Variants in SLC17A1 observed in about 807,000 individuals in gnomAD.
The protein encoded by SLC17A1 is sodium-dependent phosphate transport protein 1.
Under a neutral mutation model 53.5 loss-of-function variants are expected in SLC17A1, and 51 were observed. That is an observed-to-expected ratio of 0.95 (90% CI 0.76 to 1.20). The LOEUF is 1.20. Among genes scored for constraint, SLC17A1 ranks in the 50% most tolerant of loss-of-function variants. SLC17A1 has a pLI of 0.00. For missense variants in SLC17A1, 538 were observed against 568.2 expected, an observed-to-expected ratio of 0.95 and a Z score of 0.54; for synonymous variants, 179 against 198.8, an observed-to-expected ratio of 0.90 and a Z score of 0.84.
At chr6:25,730,256 C>T in the SLC17A1 span, among the ~76,000 whole-genome samples, 4 of 152,094 alleles carry the variant, frequency 2.6e-5, no homozygotes, top group Non-Finnish European at 4.4e-5. Context: ...ATAGAAAGAA[C>T]ATAAAGGTCC....
the SLC17A1 span, chr6:25,769,210 G>T: frequency 1.9e-6 from 3 of 1,594,532 alleles, no homozygotes; most frequent in Non-Finnish European, 2.6e-6. Flanking sequence ...ATGAGACTCT[G>T]GACTCTTTCT....
At chr6:25,742,284 C>T in the SLC17A1 span, among the ~76,000 whole-genome samples, 1 of 152,148 alleles carries the variant, frequency 6.6e-6, no homozygotes, top group Non-Finnish European at 1.5e-5. Flanking sequence ...GTTACATTGA[C>T]TGATCAGAAC....
At chr6:25,727,896 A>G in the SLC17A1 span, among the ~76,000 whole-genome samples, 1 of 151,928 alleles carries the variant, frequency 6.6e-6, no homozygotes, top group Non-Finnish European at 1.5e-5. Flanking sequence ...CGTGCACTGT[A>G]GTCCCAGCTA....
the SLC17A1 span, chr6:25,731,797 T>C: frequency 8.8e-6 from 14 of 1,596,070 alleles, no homozygotes; most frequent in Admixed American, 1.7e-5. Context: ...TTGGAGCTAG[T>C]GTACTTGGTG....
At chr6:25,727,696 C>T in the SLC17A1 span, among the ~76,000 whole-genome samples, 1 of 152,044 alleles carries the variant, frequency 6.6e-6, no homozygotes, top group Non-Finnish European at 1.5e-5. Context: ...TCCAAATCAG[C>T]TGTGGGCCGA....
intron 2 of SLC17A1, among the ~76,000 whole-genome samples, chr6:25,828,345 G>C (rs1262516867): frequency 6.6e-6 from 1 of 151,854 alleles, no homozygotes. Context: ...AGGGAGCTTG[G>C]GTGCCATCTT....
At chr6:25,795,792 A>G (rs1372629813) in intron 12 of SLC17A1, among the ~76,000 whole-genome samples, 1 of 152,190 alleles carries the variant, frequency 6.6e-6, no homozygotes, top group Non-Finnish European at 1.5e-5. Flanking sequence ...TCAATATCAG[A>G]AAGTAAATTA....
chr6:25,803,952 ATGGC>A (rs1365709879), intron 10 of SLC17A1, among the ~76,000 whole-genome samples: 1 of 152,160 alleles, frequency 6.6e-6, no homozygotes, highest in African/African-American at 2.4e-5. Flanking sequence ...TTTGATATAA[ATGGC>A]TGTGCTGATA....
the SLC17A1 span, among the ~76,000 whole-genome samples, chr6:25,765,851 C>A: frequency 6.6e-6 from 1 of 151,834 alleles, no homozygotes; most frequent in African/African-American, 2.4e-5. Flanking sequence ...GAACTCAAAT[C>A]ATGAAAAAAT....
At chr6:25,727,904 C>A in the SLC17A1 span, among the ~76,000 whole-genome samples, 1 of 151,862 alleles carries the variant, frequency 6.6e-6, no homozygotes. Context: ...GTAGTCCCAG[C>A]TAATTGGGAG....
At chr6:25,808,914 G>A (rs1269588107) in intron 10 of SLC17A1, among the ~76,000 whole-genome samples, 1 of 151,928 alleles carries the variant, frequency 6.6e-6, no homozygotes, top group African/African-American at 2.4e-5. Flanking sequence ...TCTACTCAAA[G>A]GAAAAGATAT....
intron 6 of SLC17A1, among the ~76,000 whole-genome samples, chr6:25,817,462 T>G (rs146716486): frequency 6.6e-6 from 1 of 152,274 alleles, no homozygotes; most frequent in East Asian, 1.9e-4. Context: ...TTTCCTCAAT[T>G]CTTAGTGATA....
At chr6:25,811,053 CTTAGAA>C (rs1394973509) in intron 10 of SLC17A1, among the ~76,000 whole-genome samples, 2 of 152,026 alleles carry the variant, frequency 1.3e-5, no homozygotes, top group African/African-American at 4.8e-5. Context: ...CAAAATTGGA[CTTAGAA>C]TTAGAGTAGA....
At chr6:25,773,358 GAGA>G in the SLC17A1 span, 1 of 1,613,924 alleles carries the variant, frequency 6.2e-7, no homozygotes, top group Non-Finnish European at 8.5e-7. Flanking sequence ...CAGTGCTGGT[GAGA>G]AGAGATACAT....
At chr6:25,808,943 A>T (rs1764054144) in intron 10 of SLC17A1, among the ~76,000 whole-genome samples, 4 of 152,080 alleles carry the variant, frequency 2.6e-5, no homozygotes, top group Admixed American at 2.6e-4. Context: ...CAAAAAAGAT[A>T]TCTGCACTCA....
At chr6:25,769,720 A>G in the SLC17A1 span, among the ~76,000 whole-genome samples, 1 of 152,132 alleles carries the variant, frequency 6.6e-6, no homozygotes, top group African/African-American at 2.4e-5. Flanking sequence ...CTTCCCCTAC[A>G]ATGATGAAAA....
intron 12 of SLC17A1, among the ~76,000 whole-genome samples, chr6:25,787,312 C>A (rs1259421051): frequency 6.6e-6 from 1 of 150,580 alleles, no homozygotes; most frequent in Non-Finnish European, 1.5e-5. Context: ...CATAGCTAAA[C>A]CCCATCTCTA....
chr6:25,752,444 A>C, the SLC17A1 span, among the ~76,000 whole-genome samples: 3 of 152,208 alleles, frequency 2.0e-5, no homozygotes, highest in South Asian at 6.2e-4. Context: ...GCAGTGAGTG[A>C]ATGTGAAGGC....
the SLC17A1 span, chr6:25,732,827 C>CTTT: frequency 8.8e-6 from 4 of 453,508 alleles, no homozygotes; most frequent in Non-Finnish European, 1.5e-5. Flanking sequence ...GTATGAATAA[C>CTTT]CACCCAAGTT....
Sources: allele counts gnomAD v4.1 joint callset (sites outside exome capture counted in the v4.1 genomes callset), GRCh38; gene constraint gnomAD v4.1.1; transcripts MANE v1.5; gene names NCBI Gene and HGNC (gene_info 2026-07-23, HGNC 2026-07-21).